AGBL1: variants seen among roughly 807,000 people sequenced by gnomAD.
AGBL1 encodes cytosolic carboxypeptidase 4.
A neutral mutation model predicts 118.9 loss-of-function variants in AGBL1; 130 were observed. The ratio of observed to expected loss-of-function variants is 1.09; its 90% CI spans 0.95 to 1.26. AGBL1 has a LOEUF of 1.26. Among genes scored for constraint, AGBL1 ranks in the 50% most tolerant of loss-of-function variants. The probability of loss-of-function intolerance (pLI) is 0.00; values close to 1 mark genes in which losing one functional copy is unlikely to be tolerated. For missense variants in AGBL1, 1,584 were observed against 1,298.1 expected (o/e 1.22, Z -3.38); for synonymous variants, 555 against 478.9 (o/e 1.16, Z -2.08).
intron 21 of AGBL1, among the ~76,000 whole-genome samples, chr15:86,668,992 T>G (rs2085694471): frequency 6.6e-6 from 1 of 152,150 alleles, no homozygotes; most frequent in Admixed American, 6.5e-5. Flanking sequence ...AAATTCTCTC[T>G]ATAGTGGTTC....
intron 22 of AGBL1, among the ~76,000 whole-genome samples, chr15:86,734,745 C>G (rs1000964422): frequency 3.3e-5 from 5 of 152,172 alleles, no homozygotes; most frequent in Non-Finnish European, 5.9e-5. Context: ...CCAGATGACT[C>G]CTTCCCACTG....
intron 24 of AGBL1, among the ~76,000 whole-genome samples, chr15:87,003,588 C>T (rs535641037): frequency 6.6e-6 from 1 of 152,258 alleles, no homozygotes; most frequent in Admixed American, 6.5e-5. Context: ...TAGAATTCAG[C>T]TGTGAATCCA....
chr15:86,096,644 G>A (rs191372287), intron 1 of AGBL1, among the ~76,000 whole-genome samples: 33 of 152,280 alleles, frequency 2.2e-4, no homozygotes, highest in Admixed American at 2.1e-3. Flanking sequence ...GAGGAATTAA[G>A]TTTGTTGGCT....
At chr15:86,737,893 A>G (rs2077624176) in intron 22 of AGBL1, among the ~76,000 whole-genome samples, 1 of 151,034 alleles carries the variant, frequency 6.6e-6, no homozygotes, top group East Asian at 2.0e-4. Context: ...AAAATCCCCA[A>G]CAAAATGCTA....
intron 21 of AGBL1, among the ~76,000 whole-genome samples, chr15:86,642,859 T>C (rs570648874): frequency 6.6e-6 from 1 of 152,290 alleles, no homozygotes; most frequent in South Asian, 2.1e-4. Flanking sequence ...AGGAGGACTA[T>C]TTTATTTTAT....
At chr15:86,652,122 A>G (rs956656837) in intron 21 of AGBL1, among the ~76,000 whole-genome samples, 4 of 152,186 alleles carry the variant, frequency 2.6e-5, no homozygotes, top group Admixed American at 6.6e-5. Flanking sequence ...TAAAAGAGTA[A>G]GTCTGACACC....
In AGBL1 at chr15:86,236,279, A is replaced by G. The variant is rs532739987; in HGVS notation, c.526+11328A>G. 2.6e-5 allele frequency among the ~76,000 whole-genome samples: 4 copies of G among 151,708 alleles called. No individual in the cohort carries two copies. In the South Asian group the frequency reaches 8.4e-4, roughly 32 times the overall value. On this transcript the variant is annotated intron_variant, in intron 6 of 22. Coordinates refer to ENST00000614907, the MANE Select transcript of AGBL1 (RefSeq NM_001386094.1). ...TGGCAACCACTGCCCACAGACCGTGAGGCACACAGAGCACTAGACATCTCT... is the reference window on the plus strand; with the variant it reads ...TGGCAACCACTGCCCACAGACCGTGGGGCACACAGAGCACTAGACATCTCT...
intron 5 of AGBL1, among the ~76,000 whole-genome samples, chr15:86,216,249 T>TATTTATTA (rs1164927001): frequency 6.6e-6 from 1 of 152,068 alleles, no homozygotes; most frequent in Non-Finnish European, 1.5e-5. Context: ...TTTATTTATT[T>TATTTATTA]ATTTATTCAT....
intron 5 of AGBL1, among the ~76,000 whole-genome samples, chr15:86,208,396 T>C (rs2078031290): frequency 6.6e-6 from 1 of 152,212 alleles, no homozygotes. Context: ...GAATGAATGA[T>C]ACCAGCTCCT....
intron 17 of AGBL1, among the ~76,000 whole-genome samples, chr15:86,309,470 C>T (rs568437516): frequency 1.1e-4 from 16 of 152,266 alleles, no homozygotes; most frequent in Middle Eastern, 3.4e-3. Flanking sequence ...GAGTAGGCAT[C>T]CTTGTCTTAC....
At chr15:86,964,754 G>T (rs1233837789) in intron 23 of AGBL1, among the ~76,000 whole-genome samples, 1 of 151,640 alleles carries the variant, frequency 6.6e-6, no homozygotes, top group African/African-American at 2.4e-5. Context: ...CATCATCTAG[G>T]TATTTCTCCT....
intron 24 of AGBL1, among the ~76,000 whole-genome samples, chr15:86,995,315 G>A (rs1479874240): frequency 6.6e-6 from 1 of 152,130 alleles, no homozygotes; most frequent in Non-Finnish European, 1.5e-5. Context: ...GAGCCCGGGA[G>A]GTCAAGGCTG....
intron 21 of AGBL1, among the ~76,000 whole-genome samples, chr15:86,575,709 C>A (rs926725124): frequency 3.0e-4 from 46 of 151,890 alleles, no homozygotes; most frequent in African/African-American, 9.2e-4. Flanking sequence ...CCTGCCTCAG[C>A]CTTCTAAGCG....
Position 86,882,964 on chromosome 15 carries a change from T to C in AGBL1, c.3159-24123T>C, listed in dbSNP as rs1456306480. Among the ~76,000 whole-genome samples, 8 of 152,234 alleles carry C rather than the reference T, an allele frequency of 5.3e-5. 1 individual carries two copies. Among genetic ancestry groups the C allele is most frequent in the Admixed American group, 4.6e-4 (7 of 15,286 alleles). On this transcript the variant is annotated intron_variant, in intron 22 of 22. Coordinates refer to ENST00000614907, the MANE Select transcript of AGBL1 (RefSeq NM_001386094.1). ...AAACAGATTTTTAAAATATGAGTGA[T>C]TCTTGCCAGAGATGTGAATTGTGAA...
At chr15:86,767,938 T>G (rs376660460) in intron 22 of AGBL1, among the ~76,000 whole-genome samples, 13 of 152,106 alleles carry the variant, frequency 8.5e-5, no homozygotes, top group African/African-American at 1.9e-4. Flanking sequence ...TTATTTTCCT[T>G]GATTAAACCA....
At chr15:86,361,606 A>T (rs566332144) in intron 17 of AGBL1, among the ~76,000 whole-genome samples, 1 of 152,100 alleles carries the variant, frequency 6.6e-6, no homozygotes, top group South Asian at 2.1e-4. Context: ...GTCAATGTTC[A>T]CTTTATATAT....
At chr15:86,363,086 G>A (rs1200690925) in intron 17 of AGBL1, among the ~76,000 whole-genome samples, 2 of 152,122 alleles carry the variant, frequency 1.3e-5, no homozygotes, top group Non-Finnish European at 2.9e-5. Context: ...GCTGTGGCCA[G>A]GCTTGGTAAG....
At chr15:86,243,384 C>T (rs1037400955) in intron 6 of AGBL1, among the ~76,000 whole-genome samples, 7 of 152,154 alleles carry the variant, frequency 4.6e-5, no homozygotes, top group Admixed American at 3.9e-4. Context: ...AAGGATATCA[C>T]TAGGTCCCGT....
At chr15:86,405,364 A>AT (rs2081509901) in intron 18 of AGBL1, among the ~76,000 whole-genome samples, 1 of 151,926 alleles carries the variant, frequency 6.6e-6, no homozygotes, top group Non-Finnish European at 1.5e-5. Flanking sequence ...TACCAAAAAA[A>AT]AATTAGCCAG....
Sources: gnomAD v4.1 joint callset for allele counts (sites outside exome capture counted in the v4.1 genomes callset) on GRCh38, gnomAD v4.1.1 for gene constraint, MANE v1.5 for transcripts, NCBI Gene and HGNC (gene_info 2026-07-23, HGNC 2026-07-21) for gene names.